SUPT5H: variants seen among roughly 807,000 people sequenced by gnomAD.
The protein encoded by SUPT5H is transcription elongation factor SPT5.
Under a neutral mutation model 142.5 loss-of-function variants are expected in SUPT5H, and 24 were observed. That is an observed-to-expected ratio of 0.17 (90% CI 0.12 to 0.24). The LOEUF (loss-of-function observed/expected upper bound fraction) is 0.24, where lower values mean the gene tolerates loss of function less well. Ranked by LOEUF, SUPT5H falls within the 10% of genes least tolerant of loss-of-function variation. The pLI, the probability that SUPT5H is intolerant of heterozygous loss-of-function variation, is 1.00. For missense variants in SUPT5H, 893 were observed against 1,471.8 expected (o/e 0.61, Z 6.43); for synonymous variants, 546 against 553.0 (o/e 0.99, Z 0.18).
intron 10 of SUPT5H, among the ~76,000 whole-genome samples, chr19:39,461,874 A>G (rs950163064): frequency 7.9e-5 from 12 of 151,878 alleles, no homozygotes; most frequent in African/African-American, 2.7e-4. Context: ...AGTGTGCTCA[A>G]ATCCTCCTAC....
chr19:39,472,327 C>T lies in SUPT5H; in HGVS notation c.1951-82C>T. 14 of 1,393,902 alleles carry T rather than the reference C, an allele frequency of 1.0e-5. No homozygotes were observed. In the South Asian group the frequency reaches 1.2e-4, roughly 12 times the overall value. The allele number at this position is 1,393,902 out of a possible 1,614,324, so 86.3% of individuals were successfully genotyped here. On this transcript the variant is annotated intron_variant, in intron 20 of 29. Transcript: ENST00000432763. The surrounding 1 kb of genome is among the most constrained non-coding windows in gnomAD (Gnocchi z 4.2). ...GGTGGCTGGGTGGTCTCCTCAGGGC[C>T]CTGCACGTGGGATGATGAGTTCCTG...
chr19:39,470,077 T>G lies in SUPT5H; in HGVS notation c.1375-42T>G, dbSNP rs1600721706. ...AGGAGGGGCAGGCAGGTTGTGGTGG[T>G]CTCCCTTCACCTGTTTGTTGTCCCC... On this transcript the variant is annotated intron_variant, in intron 16 of 29. Transcript: ENST00000432763. This position sits in a 1 kb window ranked among gnomAD's most constrained non-coding sequence, Gnocchi z 5.8. 6.3e-7 allele frequency: 1 copy of G among 1,587,466 alleles called. No homozygotes were observed. Among genetic ancestry groups the G allele is most frequent in the Non-Finnish European group, 8.6e-7 (1 of 1,162,536 alleles).
intron 10 of SUPT5H, among the ~76,000 whole-genome samples, chr19:39,462,155 C>T (rs749306054): frequency 5.9e-5 from 9 of 152,140 alleles, no homozygotes; most frequent in African/African-American, 1.7e-4. Context: ...GTGATCCACC[C>T]GCCTTGGCCT....
At chr19:39,450,838 C>T (rs544953124) in intron 2 of SUPT5H, among the ~76,000 whole-genome samples, 6 of 152,248 alleles carry the variant, frequency 3.9e-5, no homozygotes, top group East Asian at 3.9e-4. Context: ...GTGTCTTGAA[C>T]GCCTCTGGGT....
chr19:39,454,444 A>G (rs942658556), intron 3 of SUPT5H, among the ~76,000 whole-genome samples: 13 of 148,544 alleles, frequency 8.8e-5, no homozygotes, highest in African/African-American at 3.2e-4. Flanking sequence ...TCCTGGGTTC[A>G]ACTGTTTCTC....
chr19:39,454,350 GTCGTTGT>G (rs1489938423), intron 3 of SUPT5H, among the ~76,000 whole-genome samples: 3 of 92,666 alleles, frequency 3.2e-5, no homozygotes, highest in South Asian at 3.5e-4. Context: ...TTTTGTTGTT[GTCGTTGT>G]TTTTTTTTTT....
intron 10 of SUPT5H, 68 bp from the exon 11 acceptor site, chr19:39,464,730 G>C (rs1262513492): frequency 2.0e-6 from 3 of 1,530,698 alleles, no homozygotes; most frequent in Non-Finnish European, 2.6e-6. Context: ...CTGCTGATGA[G>C]TGGCAGTCAT....
chr19:39,457,767 A>C (rs1328148712), intron 4 of SUPT5H, 27 bp downstream of exon 4: 2 of 1,613,864 alleles, frequency 1.2e-6, no homozygotes, highest in African/African-American at 2.7e-5. Flanking sequence ...CCTCCACAAG[A>C]CTACTGGGAA....
chr19:39,445,763 C>G, intron 1 of SUPT5H, 41 bp from the exon 2 acceptor site: 1 of 1,112,402 alleles, frequency 9.0e-7, no homozygotes. Flanking sequence ...ATTGCCAAAA[C>G]GAGCCTGCCG....
At position 39,469,630 on chromosome 19, in the gene SUPT5H, T is replaced by C. The variant is rs1022217861; in HGVS notation, c.1374+232T>C. On this transcript the variant is annotated intron_variant, in intron 16 of 29. Transcript: ENST00000432763. This position sits in a 1 kb window ranked among gnomAD's most constrained non-coding sequence, Gnocchi z 5.1. The stretch of plus-strand genomic sequence containing the variant: ...CTGGAGAGTGACTTGGTCTATCTTT[T>C]GTTTCTGAAAAGCAAGATATCTGGG... 1.6e-6 allele frequency: 1 copy of C among 616,046 alleles called. No individual in the cohort carries two copies. The allele number at this position is 616,046 out of a possible 1,614,324, so 38.2% of individuals were successfully genotyped here.
chr19:39,445,888 A>C lies in SUPT5H; in HGVS notation c.-3A>C. 1 of 1,613,602 alleles carries C rather than the reference A, an allele frequency of 6.2e-7. No homozygotes were observed. Among genetic ancestry groups the C allele is most frequent in the Non-Finnish European group, 8.5e-7 (1 of 1,179,986 alleles). ...CTGCTGTCTTTCCCAGCAGCAGCGG[A>C]AGATGTCGGACAGCGAGGACAGCAA... On this transcript the variant is annotated 5_prime_UTR_variant, in exon 2 of 30. Coordinates refer to ENST00000432763, the MANE Select transcript of SUPT5H (RefSeq NM_001111020.3).
chr19:39,464,816 G>A lies in SUPT5H; in HGVS notation c.643G>A (p.Val215Ile), dbSNP rs771406918. The A allele has an allele frequency of 1.2e-6, 2 of 1,611,542 alleles. No individual in the cohort carries two copies. The highest frequency in any genetic ancestry group is 8.5e-7 in the Non-Finnish European group (1 of 1,177,924). ...FTDTPLQIKS[V>I]VAPEHVKGYI... ...CCTGCAGCCCCTGCAGATCAAGTCAGTAGTGGCACCAGAGCATGTGAAGGG... is the reference window on the plus strand; with the variant it reads ...CCTGCAGCCCCTGCAGATCAAGTCAATAGTGGCACCAGAGCATGTGAAGGG... The change falls in exon 11 of 30, where the codon GTA becomes ATA. Residue 215 changes from valine to isoleucine, a missense_variant. Physicochemically the swap from Val to Ile is conservative, Grantham distance 29 (BLOSUM62 3). Transcript: ENST00000432763.
Position 39,459,960 on chromosome 19 carries a change from G to A in SUPT5H, c.624G>A (p.Thr208=), listed in dbSNP as rs570792641. The A allele has an allele frequency of 1.8e-5, 29 of 1,614,070 alleles. No individual in the cohort carries two copies. The Admixed American group carries it at 2.3e-4, about 13-fold the overall frequency. Residue 208 remains threonine, a splice_region_variant and synonymous_variant, in exon 10 of 30, where the codon ACG becomes ACA. Coordinates refer to ENST00000432763, the MANE Select transcript of SUPT5H (RefSeq NM_001111020.3). The part of the protein sequence containing the change: ...RKFIAYQFTD[T]PLQIKSVVAP... Reference sequence around the variant, plus strand: ...TCATTGCCTACCAGTTCACAGACACGGTAAGTCGGGTAGACAGGCGGCTTG... The same window carrying A: ...TCATTGCCTACCAGTTCACAGACACAGTAAGTCGGGTAGACAGGCGGCTTG...
intron 10 of SUPT5H, among the ~76,000 whole-genome samples, chr19:39,462,385 A>C (rs546130446): frequency 5.0e-4 from 76 of 151,624 alleles, no homozygotes; most frequent in Non-Finnish European, 9.3e-4. Context: ...CTATGAATCT[A>C]CCTTCTTTCT....
intron 10 of SUPT5H, among the ~76,000 whole-genome samples, chr19:39,461,652 G>A (rs1448892763): frequency 1.3e-5 from 2 of 151,706 alleles, no homozygotes; most frequent in Admixed American, 6.6e-5. Context: ...GTGAAACTCC[G>A]TCTCTACCAA....
chr19:39,476,176 G>T lies in SUPT5H; in HGVS notation c.3120G>T (p.Lys1040Asn), dbSNP rs1443722552. The T allele has an allele frequency of 1.9e-6, 3 of 1,614,100 alleles. No homozygotes were observed. The South Asian group carries it at 3.3e-5, about 18-fold the overall frequency. Residue 1040 changes from lysine (K) to asparagine (N), a missense_variant and splice_region_variant, in exon 29 of 30, where the codon AAG (lysine) becomes AAT (asparagine). By Grantham distance (94) the Lys-to-Asn change is moderately conservative (BLOSUM62 0). This residue lies in a region of SUPT5H where 336 missense variants were observed against 546.5 expected (regional missense o/e 0.61). Coordinates refer to ENST00000432763, the MANE Select transcript of SUPT5H (RefSeq NM_001111020.3). ...LEPITPTKNNKVKVILGEDRE... is the reference protein window; with the variant it reads ...LEPITPTKNNNVKVILGEDRE... The stretch of plus-strand genomic sequence containing the variant: ...CTATCACCCCCACCAAGAACAACAA[G>T]GTAAGGGCAGGGGGCAAGGAGATAA...
intron 10 of SUPT5H, among the ~76,000 whole-genome samples, chr19:39,464,584 C>T (rs1272248092): frequency 6.6e-6 from 1 of 152,170 alleles, no homozygotes; most frequent in Non-Finnish European, 1.5e-5. Context: ...CATAAGTTAA[C>T]TAGTTACTGT....
chr19:39,455,268 A>G (rs1273643330), intron 3 of SUPT5H, among the ~76,000 whole-genome samples: 1 of 152,162 alleles, frequency 6.6e-6, no homozygotes, highest in Non-Finnish European at 1.5e-5. Context: ...TGTGTTAAAA[A>G]AATTACGTGG....
Position 39,459,836 on chromosome 19 carries a change from C to G in SUPT5H, c.556-56C>G, listed in dbSNP as rs939147490. ...CTTGCTGCTGTCTCCTTCCCCCTTT[C>G]CTGTGTCCTTTCCTCCATCCTGTCA... On this transcript the variant is annotated intron_variant, in intron 9 of 29. Coordinates refer to ENST00000432763, the MANE Select transcript of SUPT5H (RefSeq NM_001111020.3). 3.6e-5 allele frequency: 57 copies of G among 1,584,912 alleles called. No homozygotes were observed. In the Middle Eastern group the frequency reaches 8.3e-4, roughly 23 times the overall value.
Sources: gnomAD v4.1 joint callset for allele counts (sites outside exome capture counted in the v4.1 genomes callset) on GRCh38, gnomAD v4.1.1 for gene constraint, gnomAD v4.1.1 regional missense constraint, Gnocchi (gnomAD v3.1) non-coding constraint, MANE v1.5 for transcripts, NCBI Gene and HGNC (gene_info 2026-07-23, HGNC 2026-07-21) for gene names.